Variants in LRP1B observed in about 807,000 individuals in gnomAD.
The protein encoded by LRP1B is LDL receptor related protein 1B, also known as low-density lipoprotein receptor-related protein 1B.
A neutral mutation model predicts 556.6 loss-of-function variants in LRP1B; 217 were observed. The ratio of observed to expected loss-of-function variants is 0.39; its 90% confidence interval spans 0.35 to 0.44. The LOEUF (loss-of-function observed/expected upper bound fraction) is 0.44. LRP1B is among the 20% of genes least tolerant of loss of function. The pLI is 1.00. For synonymous variants in LRP1B, 2,047 were observed against 1,865.8 expected (o/e 1.10, Z -2.50); for missense variants, 5,053 against 5,620.8 (o/e 0.90, Z 3.23).
At chr2:141,481,388 C>A (rs1390126307) in intron 2 of LRP1B, among the ~76,000 whole-genome samples, 1 of 152,190 alleles carries the variant, frequency 6.6e-6, no homozygotes, top group Non-Finnish European at 1.5e-5. Flanking sequence ...TTATCCAGCT[C>A]TTCCAAATCT....
At chr2:141,765,574 G>C (rs1374246510) in intron 2 of LRP1B, among the ~76,000 whole-genome samples, 1 of 152,070 alleles carries the variant, frequency 6.6e-6, no homozygotes, top group Non-Finnish European at 1.5e-5. Flanking sequence ...AAAAAAATTA[G>C]CTAAATTTCA....
At chr2:141,023,541 CAT>C (rs1173464429) in intron 11 of LRP1B, among the ~76,000 whole-genome samples, 1 of 151,870 alleles carries the variant, frequency 6.6e-6, no homozygotes, top group East Asian at 1.9e-4. Context: ...GGGAGAAAAA[CAT>C]ATTTCTAAAA....
chr2:140,678,793 G>T (rs114094717), intron 41 of LRP1B, among the ~76,000 whole-genome samples: 15 of 149,736 alleles, frequency 1.0e-4, no homozygotes, highest in East Asian at 2.0e-4. Flanking sequence ...TTTTGGTTGG[G>T]GGGGAATGGA....
intron 10 of LRP1B, among the ~76,000 whole-genome samples, chr2:141,052,766 T>C (rs1211892050): frequency 6.6e-6 from 1 of 151,968 alleles, no homozygotes; most frequent in Non-Finnish European, 1.5e-5. Context: ...GCCTCCCAAG[T>C]AGCTGGGTCT....
Position 141,660,277 on chromosome 2 carries a change from T to C in LRP1B, c.205+150002A>G, listed in dbSNP as rs563962368. On this transcript the variant is annotated intron_variant, in intron 2 of 90. Coordinates refer to ENST00000389484, the MANE Select transcript of LRP1B (RefSeq NM_018557.3). ...GAGGCGGTGAGTGACCATGCTACCC[T>C]GCCCGGGAAGCCATGCTTTTTCCAT... Among the ~76,000 whole-genome samples the C allele has an allele frequency of 3.6e-4, 55 of 152,230 alleles. No individual in the cohort carries two copies. The South Asian group carries it at 9.7e-3, about 27-fold the overall frequency.
intron 7 of LRP1B, among the ~76,000 whole-genome samples, chr2:141,139,781 ATGTGTG>A (rs58413685): frequency 0.066 from 9,710 of 147,952 alleles, 357 homozygotes; most frequent in South Asian, 0.14. Flanking sequence ...CATTGGAAAA[ATGTGTG>A]TGTGTGTGTG....
At chr2:141,136,192 TTA>T (rs1701488102) in intron 7 of LRP1B, among the ~76,000 whole-genome samples, 1 of 151,872 alleles carries the variant, frequency 6.6e-6, no homozygotes, top group African/African-American at 2.4e-5. Flanking sequence ...TTCTGTGCAC[TTA>T]TAGAGTGTCT....
rs191568522 is a variant in LRP1B, at chr2:141,056,492, T to C, written c.1409-1233A>G. Among the ~76,000 whole-genome samples the C allele has an allele frequency of 3.8e-4, 58 of 151,938 alleles. No individual in the cohort carries two copies. The East Asian group carries it at 6.6e-3, about 17-fold the overall frequency. On this transcript the variant is annotated intron_variant, in intron 9 of 90. Transcript: ENST00000389484. ...TCATTTTCTACAATTCTTTTCCTTC[T>C]TCTCTCTCTCAAACCCATTCTACTC...
At chr2:140,845,012 TG>T (rs1241046876) in intron 29 of LRP1B, among the ~76,000 whole-genome samples, 5 of 152,200 alleles carry the variant, frequency 3.3e-5, no homozygotes, top group African/African-American at 4.8e-5. Flanking sequence ...AGTGATCTTC[TG>T]GGTATAGACA....
chr2:140,787,757 TG>T (rs1400892254), intron 32 of LRP1B, among the ~76,000 whole-genome samples: 1 of 151,690 alleles, frequency 6.6e-6, no homozygotes, highest in Non-Finnish European at 1.5e-5. Flanking sequence ...TATTTTTCTG[TG>T]GGGTCAGGGT....
In LRP1B at chr2:141,888,671, T is replaced by A. The variant is rs556987670; in HGVS notation, c.83-78270A>T. 2.6e-5 allele frequency among the ~76,000 whole-genome samples: 4 copies of A among 152,048 alleles called. No homozygotes were observed. In the East Asian group the frequency reaches 7.8e-4, roughly 29 times the overall value. ...AAGCATATTCAAGAATATGGAGAGA[T>A]GAAACCAAGTGAAGAAAGGTGAGAC... On this transcript the variant is annotated intron_variant, in intron 1 of 90. Coordinates refer to ENST00000389484, the MANE Select transcript of LRP1B (RefSeq NM_018557.3).
chr2:141,188,338 T>C, intron 7 of LRP1B, 83 bp downstream of exon 7: 4 of 1,359,836 alleles, frequency 2.9e-6, no homozygotes, highest in Non-Finnish European at 4.1e-6. Context: ...AGTCTTATTT[T>C]CCACAACAAC....
intron 3 of LRP1B, among the ~76,000 whole-genome samples, chr2:141,336,267 T>C (rs931705357): frequency 3.5e-4 from 54 of 152,194 alleles, no homozygotes; most frequent in Non-Finnish European, 2.8e-4. Flanking sequence ...ATAAGTTTAC[T>C]GCACCTCCTA....
At position 140,601,559 on chromosome 2, in the gene LRP1B, T is replaced by C; in HGVS notation, c.6880A>G (p.Thr2294Ala). Residue 2294 changes from threonine to alanine, a missense_variant, in exon 42 of 91, where the codon ACC becomes GCC. By Grantham distance (58) the Thr-to-Ala change is moderately conservative. Around this residue, in one of 5 missense-constraint regions of LRP1B, gnomAD observed 3,619 missense variants for 3,931.9 expected, o/e 0.92. Transcript: ENST00000389484. Reference protein sequence around the residue: ...YWTSSTTSSITRHTVDQTRPG... With the variant: ...YWTSSTTSSIARHTVDQTRPG... ...CGAGTCTGGTCCACAGTGTGTCTGGTGATGGATGAGGTGGTAGAGCTTGTC... is the reference window on the plus strand; with the variant it reads ...CGAGTCTGGTCCACAGTGTGTCTGGCGATGGATGAGGTGGTAGAGCTTGTC... 1 of 1,613,196 alleles carries C rather than the reference T, an allele frequency of 6.2e-7. No individual in the cohort carries two copies. The highest frequency in any genetic ancestry group is 8.5e-7 in the Non-Finnish European group (1 of 1,179,476).
chr2:141,534,083 A>G lies in LRP1B; in HGVS notation c.206-53550T>C, dbSNP rs1684986229. On this transcript the variant is annotated intron_variant, in intron 2 of 90. Transcript: ENST00000389484. ...AGAGAGAGAGAGGGGAGAAGGTTCT[A>G]AAACATTTTCTAAATCAGAGGACAT... Among the ~76,000 whole-genome samples the G allele has an allele frequency of 2.0e-5, 3 of 152,140 alleles. No individual in the cohort carries two copies. In the South Asian group the frequency reaches 6.2e-4, roughly 32 times the overall value.
chr2:140,242,595 G>T (rs1680994446), intron 87 of LRP1B, among the ~76,000 whole-genome samples: 1 of 151,118 alleles, frequency 6.6e-6, no homozygotes, highest in African/African-American at 2.4e-5. Context: ...ATTCACTATA[G>T]TAGCATGAAT....
At chr2:141,463,871 T>G (rs1474947583) in intron 3 of LRP1B, among the ~76,000 whole-genome samples, 1 of 129,014 alleles carries the variant, frequency 7.8e-6, no homozygotes, top group Non-Finnish European at 1.7e-5. Context: ...TTATATATAA[T>G]ATATATCATT....
Position 141,471,288 on chromosome 2 carries a change from T to TTGTTTTTG in LRP1B, c.343+9107_343+9108insCAAAAACA, listed in dbSNP as rs1230584743. Among the ~76,000 whole-genome samples the TTGTTTTTG allele has an allele frequency of 9.0e-3, 912 of 100,774 alleles. 10 individuals are homozygous for TTGTTTTTG. Among genetic ancestry groups the TTGTTTTTG allele is most frequent in the Middle Eastern group, 0.068 (10 of 148 alleles). 66.1% of individuals were successfully genotyped at this position (100,774 alleles called of 152,430 possible). On this transcript the variant is annotated intron_variant, in intron 3 of 90. Transcript: ENST00000389484. ...CTGGTATTTTTTTTTTTTTTTTTTTTTTTTTTACTCTCTTGCTTTTTGTGG... is the reference window on the plus strand; with the variant it reads ...CTGGTATTTTTTTTTTTTTTTTTTTTTGTTTTTGTTTTTTACTCTCTTGCTTTTTGTGG...
intron 14 of LRP1B, among the ~76,000 whole-genome samples, chr2:141,010,834 A>T (rs1573978271): frequency 2.0e-5 from 3 of 151,920 alleles, no homozygotes; most frequent in East Asian, 3.9e-4. Context: ...GTCTCTTCTA[A>T]TATGAGGAGT....
Sources: gnomAD v4.1 joint callset for allele counts (sites outside exome capture counted in the v4.1 genomes callset) on GRCh38, gnomAD v4.1.1 for gene constraint, gnomAD v4.1.1 regional missense constraint, MANE v1.5 for transcripts, NCBI Gene and HGNC (gene_info 2026-07-23, HGNC 2026-07-21) for gene names.